The following ITGA9 variants were observed in gnomAD, a reference collection of about 807,000 sequenced individuals.
ITGA9 encodes the protein integrin subunit alpha 9.
Under a neutral mutation model 127.8 loss-of-function variants are expected in ITGA9, and 56 were observed. That is an observed-to-expected ratio of 0.44 (90% CI 0.35 to 0.55). The LOEUF is 0.55. Ranked by LOEUF, ITGA9 falls within the 20% of genes least tolerant of loss-of-function variation. The pLI is 0.00. For synonymous variants in ITGA9, 508 were observed against 514.5 expected (o/e 0.99, Z 0.17); for missense variants, 1,196 against 1,347.1 (o/e 0.89, Z 1.76).
At chr3:37,510,489 A>G (rs905711734) in intron 8 of ITGA9, among the ~76,000 whole-genome samples, 11 of 152,050 alleles carry the variant, frequency 7.2e-5, no homozygotes, top group African/African-American at 2.7e-4. Flanking sequence ...TCCTCCTTGA[A>G]AACCTCTTGG....
intron 18 of ITGA9, among the ~76,000 whole-genome samples, chr3:37,726,034 C>A (rs1343398367): frequency 1.3e-5 from 2 of 152,224 alleles, no homozygotes; most frequent in African/African-American, 4.8e-5. Flanking sequence ...CAAGCTGACT[C>A]ATCATTGAGT....
chr3:37,475,177 G>C (rs1698480512), intron 3 of ITGA9, among the ~76,000 whole-genome samples: 1 of 152,248 alleles, frequency 6.6e-6, no homozygotes, highest in African/African-American at 2.4e-5. Context: ...ATGGGCCCCA[G>C]AGGGGCTGAA....
intron 27 of ITGA9, among the ~76,000 whole-genome samples, chr3:37,805,199 C>T (rs1369369100): frequency 1.3e-5 from 2 of 151,790 alleles, no homozygotes; most frequent in Non-Finnish European, 2.9e-5. Context: ...TACAGGCATG[C>T]ACAATGCCTG....
At chr3:37,619,828 A>G (rs1219832481) in intron 15 of ITGA9, among the ~76,000 whole-genome samples, 1 of 152,138 alleles carries the variant, frequency 6.6e-6, no homozygotes, top group East Asian at 1.9e-4. Flanking sequence ...TGCTTCTTCA[A>G]GACTAGCAGA....
chr3:37,581,125 T>C (rs1251155073), intron 15 of ITGA9, among the ~76,000 whole-genome samples: 1 of 152,108 alleles, frequency 6.6e-6, no homozygotes, highest in African/African-American at 2.4e-5. Context: ...TGACCTGATA[T>C]TGTAGATATT....
chr3:37,505,525 A>G (rs1002716654), intron 6 of ITGA9, among the ~76,000 whole-genome samples: 1 of 152,236 alleles, frequency 6.6e-6, no homozygotes, highest in African/African-American at 2.4e-5. Context: ...ATATATGGTG[A>G]TAGAAATCAG....
At chr3:37,532,436 C>T (rs1699161713) in intron 13 of ITGA9, among the ~76,000 whole-genome samples, 2 of 152,214 alleles carry the variant, frequency 1.3e-5, no homozygotes, top group Non-Finnish European at 2.9e-5. Context: ...CTACTAATGC[C>T]CCTTAATCTT....
chr3:37,571,287 GTC>G (rs1699599654), intron 15 of ITGA9, among the ~76,000 whole-genome samples: 1 of 152,194 alleles, frequency 6.6e-6, no homozygotes, highest in South Asian at 2.1e-4. Context: ...GAAGCTCGGA[GTC>G]TCACAAAACT....
At chr3:37,509,724 G>A (rs1698882359) in intron 8 of ITGA9, among the ~76,000 whole-genome samples, 1 of 152,058 alleles carries the variant, frequency 6.6e-6, no homozygotes, top group Admixed American at 6.5e-5. Context: ...CGAGAACTCT[G>A]CTGGCTTGTG....
intron 18 of ITGA9, among the ~76,000 whole-genome samples, chr3:37,706,223 G>A (rs1284270495): frequency 6.6e-6 from 1 of 152,178 alleles, no homozygotes; most frequent in Admixed American, 6.5e-5. Flanking sequence ...CTTCCTTGCT[G>A]TCTCTTCAAG....
chr3:37,707,075 T>TA (rs1198194228), intron 18 of ITGA9, among the ~76,000 whole-genome samples: 2 of 152,164 alleles, frequency 1.3e-5, no homozygotes, highest in Non-Finnish European at 2.9e-5. Flanking sequence ...ATTTAACCTA[T>TA]ACTATACAAG....
At chr3:37,548,666 G>C (rs966846535) in intron 15 of ITGA9, among the ~76,000 whole-genome samples, 1 of 152,160 alleles carries the variant, frequency 6.6e-6, no homozygotes, top group East Asian at 1.9e-4. Flanking sequence ...CTCCAGAAGA[G>C]GCTCCTCTTC....
intron 15 of ITGA9, among the ~76,000 whole-genome samples, chr3:37,626,584 T>C (rs1700177986): frequency 6.6e-6 from 1 of 152,226 alleles, no homozygotes; most frequent in Non-Finnish European, 1.5e-5. Flanking sequence ...CTCAGGAGGC[T>C]GAGGCAGGAA....
intron 22 of ITGA9, chr3:37,748,584 C>G (rs1436633307): frequency 4.3e-6 from 2 of 464,808 alleles, no homozygotes; most frequent in Non-Finnish European, 7.8e-6. Context: ...CCCGTCTCTA[C>G]TAAAATACAA....
intron 18 of ITGA9, among the ~76,000 whole-genome samples, chr3:37,714,521 A>G (rs1407902147): frequency 1.3e-5 from 2 of 152,146 alleles, no homozygotes; most frequent in Non-Finnish European, 2.9e-5. Flanking sequence ...TGGGCTCAGC[A>G]GGCTGATTCT....
chr3:37,566,280 G>A (rs568647076), intron 15 of ITGA9, among the ~76,000 whole-genome samples: 72 of 152,238 alleles, frequency 4.7e-4, no homozygotes, highest in African/African-American at 1.7e-3. Flanking sequence ...AGGGATTAAT[G>A]GGTAGTAGTG....
chr3:37,792,660 A>G (rs1301394804), intron 26 of ITGA9, among the ~76,000 whole-genome samples: 1 of 152,228 alleles, frequency 6.6e-6, no homozygotes, highest in Non-Finnish European at 1.5e-5. Flanking sequence ...AAGGAAAGCC[A>G]TTGAAAGCTT....
intron 17 of ITGA9, among the ~76,000 whole-genome samples, chr3:37,679,529 T>G (rs1029489428): frequency 6.6e-6 from 1 of 152,118 alleles, no homozygotes; most frequent in African/African-American, 2.4e-5. Context: ...CTCAGTTGGG[T>G]GGGTTCCCCT....
chr3:37,729,938 G>A (rs1428226330), intron 18 of ITGA9, among the ~76,000 whole-genome samples: 1 of 152,020 alleles, frequency 6.6e-6, no homozygotes, highest in African/African-American at 2.4e-5. Flanking sequence ...TCTTGACCTC[G>A]TGAACCGCCT....
Sources: gnomAD v4.1 joint callset for allele counts (sites outside exome capture counted in the v4.1 genomes callset) on GRCh38, gnomAD v4.1.1 for gene constraint, MANE v1.5 for transcripts, NCBI Gene and HGNC (gene_info 2026-07-23, HGNC 2026-07-21) for gene names.